AKAP8L: variants seen among roughly 807,000 people sequenced by gnomAD.
The protein encoded by AKAP8L is A-kinase anchoring protein 8 like, also known as A-kinase anchor protein 8-like.
Under a neutral mutation model 77.5 loss-of-function variants are expected in AKAP8L, and 34 were observed. The observed-to-expected ratio is 0.44, with a 90% confidence interval of 0.33 to 0.58. The LOEUF is 0.58. AKAP8L is among the 20% of genes least tolerant of loss of function. The pLI is 0.02. For missense variants in AKAP8L, 806 were observed against 887.6 expected (o/e 0.91, Z 1.17); for synonymous variants, 342 against 340.7 (o/e 1.00, Z -0.04).
Position 15,380,105 on chromosome 19 carries a change from C to T in AKAP8L, c.*17G>A, listed in dbSNP as rs1365959375. ...TCCAGCTTCGGCCACGCGGGCTCCG[C>T]CCGCCCCGAGCTCGGGTCACGGGGC... On this transcript the variant is annotated 3_prime_UTR_variant, in exon 14 of 14. Coordinates refer to ENST00000397410, the MANE Select transcript of AKAP8L (RefSeq NM_014371.4). 1 of 1,468,896 alleles carries T rather than the reference C, an allele frequency of 6.8e-7. No homozygotes were observed. The highest frequency in any genetic ancestry group is 2.6e-5 in the Admixed American group (1 of 38,180). 91.0% of individuals were successfully genotyped at this position (1,468,896 alleles called of 1,614,324 possible).
Position 15,401,810 on chromosome 19 carries a change from TGGCTTGG to T in AKAP8L, c.363-214_363-208del, listed in dbSNP as rs1158322621. On this transcript the variant is annotated intron_variant, in intron 4 of 13. Coordinates refer to ENST00000397410, the MANE Select transcript of AKAP8L (RefSeq NM_014371.4). This position sits in a 1 kb window ranked among gnomAD's most constrained non-coding sequence, Gnocchi z 6.2. ...CCCAAACTTGAATGTAGCCACACAC[TGGCTTGG>T]GGACCCTAAGAAGGACTGAAGGACT... is the stretch of plus-strand genomic sequence containing the variant. Among the ~76,000 whole-genome samples the T allele has an allele frequency of 6.6e-6, 1 of 152,198 alleles. No homozygotes were observed. The highest frequency in any genetic ancestry group is 6.5e-5 in the Admixed American group (1 of 15,282).
chr19:15,395,057 T>C (rs1967741311), intron 12 of AKAP8L, among the ~76,000 whole-genome samples: 1 of 151,192 alleles, frequency 6.6e-6, no homozygotes, highest in East Asian at 1.9e-4. Flanking sequence ...TGAGACAGAG[T>C]CTCGCTCTGT....
In AKAP8L at chr19:15,418,873, C is replaced by G; in HGVS notation, c.13+38G>C. On this transcript the variant is annotated intron_variant, in intron 1 of 13. Transcript: ENST00000397410. The stretch of plus-strand genomic sequence containing the variant: ...CGGCATCCGCACGTCCCTGTCCCAT[C>G]CCCCACGCAGAGCCCGACCCCACCC... 1.9e-6 allele frequency: 3 copies of G among 1,587,228 alleles called. No homozygotes were observed. The Middle Eastern group carries it at 5.2e-4, about 276-fold the overall frequency.
At chr19:15,394,134 G>T (rs1967721041) in intron 12 of AKAP8L, among the ~76,000 whole-genome samples, 1 of 151,978 alleles carries the variant, frequency 6.6e-6, no homozygotes, top group African/African-American at 2.4e-5. Context: ...GTTTCTAAGA[G>T]CATTATTCAT....
chr19:15,399,057 G>T lies in AKAP8L; in HGVS notation c.1157+245C>A. On this transcript the variant is annotated intron_variant, in intron 9 of 13. Coordinates refer to ENST00000397410, the MANE Select transcript of AKAP8L (RefSeq NM_014371.4). This position sits in a 1 kb window ranked among gnomAD's most constrained non-coding sequence, Gnocchi z 6.1. ...CCTAGCGCCAGAGCTTCTGAGCAAC[G>T]GTGCCGAGCGGTGTCAGGTCTCGGC... 1 of 532,200 alleles carries T rather than the reference G, an allele frequency of 1.9e-6. No individual in the cohort carries two copies. Among genetic ancestry groups the T allele is most frequent in the Non-Finnish European group, 3.4e-6 (1 of 296,230 alleles). The allele number at this position is 532,200 out of a possible 1,614,324, so 33.0% of individuals were successfully genotyped here.
Position 15,410,200 on chromosome 19 carries a change from C to T in AKAP8L, c.88+320G>A, listed in dbSNP as rs578254945. Among the ~76,000 whole-genome samples, 109 of 152,266 alleles carry T rather than the reference C, an allele frequency of 7.2e-4. 1 individual carries two copies. The highest frequency in any genetic ancestry group is 2.5e-3 in the African/African-American group (105 of 41,552). On this transcript the variant is annotated intron_variant, in intron 2 of 13. Coordinates refer to ENST00000397410, the MANE Select transcript of AKAP8L (RefSeq NM_014371.4). ...TCAAGTGATCCACCCGCCTCGGCCT[C>T]CCAAAGTGCTGGGATTACAGGCAGG... is the stretch of plus-strand genomic sequence containing the variant.
chr19:15,409,868 C>T (rs1968074201), intron 2 of AKAP8L, among the ~76,000 whole-genome samples: 2 of 152,168 alleles, frequency 1.3e-5, no homozygotes, highest in South Asian at 4.1e-4. Context: ...TTCACACACT[C>T]AGCCTCTCTC....
At chr19:15,416,388 GA>G (rs1968208175) in intron 1 of AKAP8L, among the ~76,000 whole-genome samples, 1 of 152,158 alleles carries the variant, frequency 6.6e-6, no homozygotes, top group Non-Finnish European at 1.5e-5. Context: ...CTCTTTCTGG[GA>G]TCATTCAGTC....
At chr19:15,410,234 C>T (rs911432419) in intron 2 of AKAP8L, among the ~76,000 whole-genome samples, 11 of 152,132 alleles carry the variant, frequency 7.2e-5, no homozygotes, top group Non-Finnish European at 1.0e-4. Context: ...GGAGCCACCG[C>T]GCCTGGCCTC....
At position 15,399,116 on chromosome 19, in the gene AKAP8L, A is replaced by G; in HGVS notation, c.1157+186T>C. On this transcript the variant is annotated intron_variant, in intron 9 of 13. Transcript: ENST00000397410. This position sits in a 1 kb window ranked among gnomAD's most constrained non-coding sequence, Gnocchi z 6.1. ...GCCAGCGGTCGCCAGGCGGCCGCAG[A>G]GGGGCAGGGGATGAGTCAGGCCTTG... The G allele has an allele frequency of 4.9e-6, 3 of 611,088 alleles. No homozygotes were observed. The highest frequency in any genetic ancestry group is 3.9e-5 in the South Asian group (2 of 50,966). 37.9% of individuals were successfully genotyped at this position (611,088 alleles called of 1,614,324 possible).
chr19:15,418,643 T>G (rs954812862), intron 1 of AKAP8L, among the ~76,000 whole-genome samples: 2 of 152,130 alleles, frequency 1.3e-5, no homozygotes, highest in Non-Finnish European at 2.9e-5. Context: ...GGAGACCTCG[T>G]GCGCTGAGGC....
intron 12 of AKAP8L, among the ~76,000 whole-genome samples, chr19:15,382,575 T>G (rs1332573550): frequency 6.6e-6 from 1 of 152,202 alleles, no homozygotes; most frequent in Non-Finnish European, 1.5e-5. Flanking sequence ...CTTTCAGATT[T>G]TGATTTGCAT....
At chr19:15,391,893 T>G (rs1050741335) in intron 12 of AKAP8L, among the ~76,000 whole-genome samples, 2 of 152,120 alleles carry the variant, frequency 1.3e-5, no homozygotes, top group Admixed American at 6.6e-5. Flanking sequence ...CTGGAGTGCA[T>G]GGTAGGATCA....
At chr19:15,385,515 A>G (rs984002086) in intron 12 of AKAP8L, among the ~76,000 whole-genome samples, 2 of 152,164 alleles carry the variant, frequency 1.3e-5, no homozygotes, top group African/African-American at 4.8e-5. Context: ...CCATCCCTCC[A>G]TTCCAGAAAC....
At chr19:15,413,328 A>T (rs1201415284) in intron 1 of AKAP8L, among the ~76,000 whole-genome samples, 1 of 152,190 alleles carries the variant, frequency 6.6e-6, no homozygotes, top group African/African-American at 2.4e-5. Flanking sequence ...TAATCTATTT[A>T]AATACAAGGT....
Position 15,400,355 on chromosome 19 carries a change from C to T in AKAP8L, c.988G>A (p.Gly330Arg), listed in dbSNP as rs371242374. ...TCCTCTTTTCCCTCCTCATCCTCTC[C>T]GTCCTAACAATTTCAAATTCCAACT... ...EAVEKGSRVD[G>R]EDEEGKEDGR... The change falls in exon 8 of 14, where the codon GGA becomes AGA. Residue 330 changes from glycine (G) to arginine (R), a missense_variant. Gly to Arg is a moderately radical substitution (Grantham distance 125). This residue lies in a region of AKAP8L where 580 missense variants were observed against 694.1 expected (regional missense o/e 0.84). Coordinates refer to ENST00000397410, the MANE Select transcript of AKAP8L (RefSeq NM_014371.4). The T allele has an allele frequency of 1.1e-5, 18 of 1,611,252 alleles. No homozygotes were observed. The highest frequency in any genetic ancestry group is 9.4e-5 in the African/African-American group (7 of 74,698).
At chr19:15,395,903 GA>G (rs1305162681) in intron 12 of AKAP8L, among the ~76,000 whole-genome samples, 1 of 139,062 alleles carries the variant, frequency 7.2e-6, no homozygotes, top group Non-Finnish European at 1.5e-5. Context: ...AGAATGGCGT[GA>G]ACCCGGGAGG....
chr19:15,415,885 C>CAA (rs1457611915), intron 1 of AKAP8L, among the ~76,000 whole-genome samples: 4 of 63,972 alleles, frequency 6.3e-5, no homozygotes, highest in Non-Finnish European at 8.5e-5. Flanking sequence ...GACTCCGTCT[C>CAA]AAAAAAAAAA....
At chr19:15,396,539 G>C (rs1162985199) in intron 12 of AKAP8L, among the ~76,000 whole-genome samples, 2 of 152,152 alleles carry the variant, frequency 1.3e-5, no homozygotes, top group Non-Finnish European at 2.9e-5. Context: ...CAGCACCGCT[G>C]TCCTCCCAGT....
Sources: allele counts gnomAD v4.1 joint callset (sites outside exome capture counted in the v4.1 genomes callset), GRCh38; gene constraint gnomAD v4.1.1; regional missense constraint gnomAD v4.1.1; non-coding constraint Gnocchi (gnomAD v3.1); transcripts MANE v1.5; gene names NCBI Gene and HGNC (gene_info 2026-07-23, HGNC 2026-07-21).